MPPE1: variants seen among roughly 807,000 people sequenced by gnomAD.
MPPE1 encodes metallo phosphoesterase.
In MPPE1, 28 loss-of-function variants were observed where a neutral mutation model predicts 43.8. The observed-to-expected ratio is 0.64, with a 90% CI of 0.47 to 0.88. The LOEUF is 0.88. Ranked by LOEUF, MPPE1 falls within the 40% of genes least tolerant of loss-of-function variation. MPPE1 has a pLI of 0.00. For missense variants in MPPE1, 428 were observed against 492.2 expected, an observed-to-expected ratio of 0.87 and a Z score of 1.23; for synonymous variants, 159 against 188.5, an observed-to-expected ratio of 0.84 and a Z score of 1.28.
At chr18:11,904,547 A>G (rs979965620) in intron 2 of MPPE1, among the ~76,000 whole-genome samples, 2 of 152,152 alleles carry the variant, frequency 1.3e-5, no homozygotes, top group Non-Finnish European at 2.9e-5. Context: ...GCAAACTCCT[A>G]GGCTCAAGTG....
intron 4 of MPPE1, 34 bp from the exon 5 acceptor site, chr18:11,889,524 G>A: frequency 6.6e-7 from 1 of 1,515,004 alleles, no homozygotes; most frequent in Non-Finnish European, 9.1e-7. Flanking sequence ...GAGAGCCAGA[G>A]AACCATCTCT....
chr18:11,904,030 G>A (rs929259492), intron 2 of MPPE1, among the ~76,000 whole-genome samples: 1 of 152,136 alleles, frequency 6.6e-6, no homozygotes, highest in Admixed American at 6.5e-5. Flanking sequence ...CTGCAGATCT[G>A]TATGGATTTG....
chr18:11,901,910 C>G (rs2039250970), intron 2 of MPPE1, among the ~76,000 whole-genome samples: 1 of 152,166 alleles, frequency 6.6e-6, no homozygotes, highest in African/African-American at 2.4e-5. Flanking sequence ...ACAGAGAGGT[C>G]AAAAGCAGCC....
At chr18:11,905,473 G>T (rs1428822919) in intron 2 of MPPE1, 1 of 152,192 alleles carries the variant, frequency 6.6e-6, no homozygotes, top group African/African-American at 2.4e-5. Flanking sequence ...AATGAAGACA[G>T]AATAACTTGT....
chr18:11,887,287 G>A (rs2037429688), intron 6 of MPPE1, among the ~76,000 whole-genome samples: 1 of 152,182 alleles, frequency 6.6e-6, no homozygotes, highest in African/African-American at 2.4e-5. Context: ...CAGAAGCTCT[G>A]CAGTTAGACT....
rs1162082357 is a variant in MPPE1 at position 11,886,845 on chromosome 18, G to A, written c.679-67C>T. ...CTCATCAAAGGGCAAGAAGCGCTAG[G>A]GGGCTGAGTGAGCAACCGAAGCGGA... is the stretch of plus-strand genomic sequence containing the variant. On this transcript the variant is annotated intron_variant, in intron 7 of 10. Coordinates refer to ENST00000588072, the MANE Select transcript of MPPE1 (RefSeq NM_023075.6). This position sits in a 1 kb window ranked among gnomAD's most constrained non-coding sequence, Gnocchi z 4.1. 2.5e-6 allele frequency: 4 copies of A among 1,597,478 alleles called. No homozygotes were observed. The East Asian group carries it at 6.7e-5, about 27-fold the overall frequency.
intron 2 of MPPE1, among the ~76,000 whole-genome samples, chr18:11,900,506 C>CA (rs1035152171): frequency 1.8e-4 from 27 of 151,636 alleles, no homozygotes; most frequent in Non-Finnish European, 3.7e-4. Flanking sequence ...AACTCCATCT[C>CA]AAAAAAATAA....
At chr18:11,897,521 C>A in intron 2 of MPPE1, 165 bp from the exon 3 acceptor site, 1 of 422,848 alleles carries the variant, frequency 2.4e-6, no homozygotes, top group Non-Finnish European at 4.2e-6. Context: ...AGGAAAACAA[C>A]TGACCTCTCT....
At chr18:11,890,449 ACAGGCGTGTACCAC>A (rs2037875847) in intron 4 of MPPE1, among the ~76,000 whole-genome samples, 1 of 152,086 alleles carries the variant, frequency 6.6e-6, no homozygotes, top group African/African-American at 2.4e-5. Flanking sequence ...AGCTGGGATT[ACAGGCGTGTACCAC>A]CATGCCCAGC....
intron 3 of MPPE1, among the ~76,000 whole-genome samples, 175 bp downstream of exon 3, chr18:11,896,809 C>T (rs1313866354): frequency 6.6e-6 from 1 of 152,186 alleles, no homozygotes; most frequent in African/African-American, 2.4e-5. Flanking sequence ...TTATGGGGCC[C>T]TGTATATATC....
intron 10 of MPPE1, chr18:11,885,267 A>C: frequency 3.7e-6 from 1 of 272,936 alleles, no homozygotes; most frequent in Non-Finnish European, 7.1e-6. Context: ...TAAGTGAAAC[A>C]TCTTTTATCA....
intron 3 of MPPE1, among the ~76,000 whole-genome samples, chr18:11,895,614 C>T (rs1396688116): frequency 6.6e-6 from 1 of 151,954 alleles, no homozygotes; most frequent in Non-Finnish European, 1.5e-5. Flanking sequence ...TCATAGCTCA[C>T]TGGAGGCTCA....
At chr18:11,887,847 T>C (rs533845630) in intron 6 of MPPE1, among the ~76,000 whole-genome samples, 1 of 152,318 alleles carries the variant, frequency 6.6e-6, no homozygotes, top group African/African-American at 2.4e-5. Flanking sequence ...GCTTCTATTA[T>C]GAGTCAGCAG....
chr18:11,885,010 C>G, intron 10 of MPPE1: 1 of 1,299,574 alleles, frequency 7.7e-7, no homozygotes, highest in Non-Finnish European at 1.0e-6. Context: ...AAGGTGTCTT[C>G]CTGCCCCTTG....
chr18:11,895,838 ACAGGC>A (rs1353257409), intron 3 of MPPE1, among the ~76,000 whole-genome samples: 1 of 151,876 alleles, frequency 6.6e-6, no homozygotes, highest in Non-Finnish European at 1.5e-5. Flanking sequence ...TGCTGGGATT[ACAGGC>A]GTGAAGCACT....
chr18:11,904,918 A>G (rs1326905189), intron 2 of MPPE1, among the ~76,000 whole-genome samples: 1 of 151,960 alleles, frequency 6.6e-6, no homozygotes, highest in Non-Finnish European at 1.5e-5. Context: ...ACTCCAGCCT[A>G]GGCGACAGAG....
chr18:11,900,561 A>G (rs193111876), intron 2 of MPPE1, among the ~76,000 whole-genome samples: 36 of 152,224 alleles, frequency 2.4e-4, no homozygotes, highest in African/African-American at 8.2e-4. Context: ...AGCTTGTTTT[A>G]CACTGGTGTC....
rs770164074 is a variant in MPPE1, at chr18:11,885,821, C to T, written c.868-5G>A. ...CGGCTGGAGCCACCACAGCAGCTGA[C>T]AGTGGCCGAGAAGACAGCAAAGCAG... On this transcript the variant is annotated splice_region_variant and splice_polypyrimidine_tract_variant and intron_variant, in intron 9 of 10. Coordinates refer to ENST00000588072, the MANE Select transcript of MPPE1 (RefSeq NM_023075.6). 2 of 1,601,984 alleles carry T rather than the reference C, an allele frequency of 1.2e-6. No individual in the cohort carries two copies.
rs189477875 is a variant in MPPE1 at position 11,886,807 on chromosome 18, C to T, written c.679-29G>A. On this transcript the variant is annotated intron_variant, in intron 7 of 10. Coordinates refer to ENST00000588072, the MANE Select transcript of MPPE1 (RefSeq NM_023075.6). The surrounding 1 kb of genome is among the most constrained non-coding windows in gnomAD (Gnocchi z 4.1). Reference sequence around the variant, plus strand: ...CTGGGTACAAGTCAGGCCATTAATCCGCACACCTGACCCTCATCAAAGGGC... The same window carrying T: ...CTGGGTACAAGTCAGGCCATTAATCTGCACACCTGACCCTCATCAAAGGGC... 317 of 1,608,364 alleles carry T rather than the reference C, an allele frequency of 2.0e-4. No individual in the cohort carries two copies. The highest frequency in any genetic ancestry group is 3.6e-4 in the South Asian group (33 of 90,792).
Sources: allele counts gnomAD v4.1 joint callset (sites outside exome capture counted in the v4.1 genomes callset), GRCh38; gene constraint gnomAD v4.1.1; non-coding constraint Gnocchi (gnomAD v3.1); transcripts MANE v1.5; gene names NCBI Gene and HGNC (gene_info 2026-07-23, HGNC 2026-07-21).